ACYP2: variants seen among roughly 807,000 people sequenced by gnomAD.
ACYP2 encodes acylphosphatase 2.
ACYP2 carries 12 observed loss-of-function variants against 11.2 expected under a neutral mutation model. The ratio of observed to expected loss-of-function variants is 1.08; its 90% CI spans 0.69 to 1.74. The LOEUF is 1.74. Among genes scored for constraint, ACYP2 ranks in the 40% most tolerant of loss-of-function variants. The pLI, the probability that ACYP2 is intolerant of heterozygous loss-of-function variation, is 0.00. For synonymous variants in ACYP2, 43 were observed against 32.2 expected (o/e 1.33, Z -1.13); for missense variants, 134 against 101.9 (o/e 1.31, Z -1.35).
chr2:54,182,047 AT>A lies in ACYP2; in HGVS notation c.404+43325del, dbSNP rs35145998. ...AAAGAAAACAGAAAAATAGAAGATA[AT>A]TTTTTTTTTTTTTTTTTTTTTTTTT... On this transcript the variant is annotated intron_variant, in intron 6 of 6. Transcript: ENST00000607452. Among the ~76,000 whole-genome samples the A allele has an allele frequency of 7.0e-3, 584 of 83,060 alleles. 3 individuals carry two copies. The highest frequency in any genetic ancestry group is 0.016 in the African/African-American group (314 of 19,358). 54.5% of individuals were successfully genotyped at this position (83,060 alleles called of 152,430 possible).
chr2:54,102,051 G>A (rs769546109), intron 4 of ACYP2, among the ~76,000 whole-genome samples: 2 of 152,010 alleles, frequency 1.3e-5, no homozygotes, highest in African/African-American at 2.4e-5. Flanking sequence ...TAGTTCCTCT[G>A]CCCAAAAAAT....
chr2:54,199,051 G>T (rs564477313), intron 6 of ACYP2, among the ~76,000 whole-genome samples: 2 of 152,238 alleles, frequency 1.3e-5, no homozygotes, highest in Admixed American at 1.3e-4. Flanking sequence ...AATAAGAGAG[G>T]ATATTATAGG....
At chr2:54,067,943 G>C (rs1038710188) in intron 4 of ACYP2, among the ~76,000 whole-genome samples, 3 of 152,140 alleles carry the variant, frequency 2.0e-5, no homozygotes, top group African/African-American at 7.2e-5. Context: ...AGCTCTGCTT[G>C]CATAACCCAT....
chr2:54,120,745 G>A (rs1048167380), intron 4 of ACYP2, among the ~76,000 whole-genome samples: 3 of 152,114 alleles, frequency 2.0e-5, no homozygotes, highest in South Asian at 2.1e-4. Context: ...TGGTCAGCCC[G>A]CAGCTGGTCC....
intron 6 of ACYP2, among the ~76,000 whole-genome samples, chr2:54,163,978 G>A (rs1572875971): frequency 6.6e-6 from 1 of 152,184 alleles, no homozygotes; most frequent in Admixed American, 6.5e-5. Flanking sequence ...GGAGATAACA[G>A]TCTAGCTGAG....
chr2:54,097,874 C>G (rs1051292496), intron 4 of ACYP2, among the ~76,000 whole-genome samples: 1 of 128,506 alleles, frequency 7.8e-6, no homozygotes, highest in Non-Finnish European at 1.7e-5. Context: ...TTCTCTTTCT[C>G]TCTCTCTCTC....
intron 1 of ACYP2, among the ~76,000 whole-genome samples, chr2:53,972,720 A>T (rs1671228731): frequency 6.6e-6 from 1 of 152,224 alleles, no homozygotes. Context: ...ATGTCAGTTG[A>T]AATTGAGAGC....
intron 4 of ACYP2, among the ~76,000 whole-genome samples, chr2:54,103,175 C>T (rs943371862): frequency 6.6e-6 from 1 of 152,202 alleles, no homozygotes; most frequent in Non-Finnish European, 1.5e-5. Flanking sequence ...CAAGTATCAT[C>T]AGCTCTCCCA....
chr2:54,294,098 G>A (rs1055854293), intron 6 of ACYP2, among the ~76,000 whole-genome samples: 7 of 151,958 alleles, frequency 4.6e-5, no homozygotes, highest in African/African-American at 1.5e-4. Flanking sequence ...TTATACTGGC[G>A]CTGAAGAGAC....
chr2:54,246,345 T>G (rs528372321), intron 6 of ACYP2, among the ~76,000 whole-genome samples: 2 of 152,188 alleles, frequency 1.3e-5, no homozygotes, highest in Non-Finnish European at 2.9e-5. Flanking sequence ...AGAACAACTT[T>G]ATGAGGTTGA....
At chr2:54,281,203 A>C (rs1039043114) in intron 6 of ACYP2, among the ~76,000 whole-genome samples, 1 of 152,258 alleles carries the variant, frequency 6.6e-6, no homozygotes, top group Non-Finnish European at 1.5e-5. Context: ...TCAATCTTAG[A>C]GTCCAATTAT....
rs1679860213 is a variant in ACYP2, at chr2:54,117,194, A to G, written c.278-18259A>G. Among the ~76,000 whole-genome samples the G allele has an allele frequency of 1.3e-5, 2 of 152,252 alleles. 1 individual carries two copies. Among genetic ancestry groups the G allele is most frequent in the Admixed American group, 1.3e-4 (2 of 15,288 alleles). On this transcript the variant is annotated intron_variant, in intron 4 of 6. Coordinates refer to ENST00000607452, the MANE Select transcript of ACYP2 (RefSeq NM_001320586.2). Reference sequence around the variant, plus strand: ...TTAAATTTTTTGTCTGGATGGAGTTATTATTGAAATTATTATTAGAACACT... The same window carrying G: ...TTAAATTTTTTGTCTGGATGGAGTTGTTATTGAAATTATTATTAGAACACT...
At chr2:54,064,860 C>T (rs1170033161) in intron 4 of ACYP2, among the ~76,000 whole-genome samples, 9 of 152,010 alleles carry the variant, frequency 5.9e-5, no homozygotes, top group Non-Finnish European at 1.5e-5. Flanking sequence ...CCGAAGCGGG[C>T]GGATCACAAA....
chr2:54,018,970 C>G (rs1375068344), intron 2 of ACYP2, among the ~76,000 whole-genome samples: 1 of 152,084 alleles, frequency 6.6e-6, no homozygotes, highest in Non-Finnish European at 1.5e-5. Context: ...GTCTCAAACT[C>G]CTGATCTCAA....
chr2:54,115,847 T>G, intron 4 of ACYP2, 91 bp downstream of exon 1: 1 of 1,376,702 alleles, frequency 7.3e-7, no homozygotes, highest in Non-Finnish European at 9.5e-7. Flanking sequence ...AAGTATGCCT[T>G]TTCCCGTTGT....
intron 2 of ACYP2, among the ~76,000 whole-genome samples, chr2:54,011,725 C>A (rs369963103): frequency 2.0e-5 from 2 of 100,290 alleles, no homozygotes; most frequent in Non-Finnish European, 3.8e-5. Flanking sequence ...ATATTCAAAT[C>A]TTTTTTGGTG....
intron 4 of ACYP2, among the ~76,000 whole-genome samples, chr2:54,128,041 G>C (rs1477067700): frequency 6.6e-6 from 1 of 152,176 alleles, no homozygotes; most frequent in Non-Finnish European, 1.5e-5. Context: ...CTTCAAATAA[G>C]TGTTTTATAA....
intron 2 of ACYP2, among the ~76,000 whole-genome samples, chr2:53,977,816 A>G (rs1671568279): frequency 6.6e-6 from 1 of 151,148 alleles, no homozygotes; most frequent in Non-Finnish European, 1.5e-5. Flanking sequence ...GTCACCTCAC[A>G]TACTTAACAT....
chr2:54,202,068 T>G (rs2103912100), intron 6 of ACYP2, among the ~76,000 whole-genome samples: 1 of 151,904 alleles, frequency 6.6e-6, no homozygotes, highest in East Asian at 1.9e-4. Flanking sequence ...CGATTCATCT[T>G]GAGTTAACTT....
Sources: allele counts gnomAD v4.1 joint callset (sites outside exome capture counted in the v4.1 genomes callset), GRCh38; gene constraint gnomAD v4.1.1; transcripts MANE v1.5; gene names NCBI Gene and HGNC (gene_info 2026-07-23, HGNC 2026-07-21).